The following SCLY variants were observed in gnomAD, a reference collection of about 807,000 sequenced individuals.
SCLY encodes the protein putative selenocysteine lyase.
SCLY carries 38 observed loss-of-function variants against 50.1 expected under a neutral mutation model. The observed-to-expected ratio is 0.76, with a 90% CI of 0.59 to 0.99. SCLY has a LOEUF of 0.99. Ranked by LOEUF, SCLY falls within the 50% of genes least tolerant of loss-of-function variation. The pLI, the probability that SCLY is intolerant of heterozygous loss-of-function variation, is 0.00. For missense variants in SCLY, 600 were observed against 620.0 expected, an observed-to-expected ratio of 0.97 and a Z score of 0.34; for synonymous variants, 243 against 249.4, an observed-to-expected ratio of 0.97 and a Z score of 0.24.
Position 238,064,459 on chromosome 2 carries a change from G to C in SCLY, c.192G>C (p.Pro64=), listed in dbSNP as rs575357869. 3.1e-6 allele frequency: 5 copies of C among 1,603,368 alleles called. No homozygotes were observed. Among genetic ancestry groups the C allele is most frequent in the Non-Finnish European group, 3.4e-6 (4 of 1,175,028 alleles). The part of the protein sequence containing the change: ...MWEAWGNPSS[P]YSAGRKAKDI... ...AAGCCTGGGGAAATCCCAGCAGCCC[G>C]TATTCAGCAGGTAATTCTAGAAGAT... is the stretch of plus-strand genomic sequence containing the variant. The change falls in exon 2 of 12, where the codon CCG becomes CCC. Residue 64 remains proline (P), a synonymous_variant. Transcript: ENST00000254663.
intron 2 of SCLY, among the ~76,000 whole-genome samples, chr2:238,065,426 AG>A (rs2065058716): frequency 6.6e-6 from 1 of 152,144 alleles, no homozygotes; most frequent in African/African-American, 2.4e-5. Flanking sequence ...CTCATGAAAA[AG>A]TCTGGGAATC....
In SCLY at chr2:238,064,352, T is replaced by G; in HGVS notation, c.90-5T>G. The G allele has an allele frequency of 4.4e-6, 7 of 1,582,050 alleles. No homozygotes were observed. Among genetic ancestry groups the G allele is most frequent in the Non-Finnish European group, 6.0e-6 (7 of 1,163,708 alleles). On this transcript the variant is annotated splice_polypyrimidine_tract_variant and splice_region_variant and intron_variant, in intron 1 of 11. Coordinates refer to ENST00000254663, the MANE Select transcript of SCLY (RefSeq NM_016510.7). The stretch of plus-strand genomic sequence containing the variant: ...TAATGGGTGTCTTTGCTTTCTTTCC[T>G]TCAGGAAAGTTTATATGGACTATAA...
In SCLY at chr2:238,098,619, G is replaced by GGGACCGTCCACATA; in HGVS notation, c.*270_*271insTCCACATAGGACCG. 1 of 204,150 alleles carries GGGACCGTCCACATA rather than the reference G, an allele frequency of 4.9e-6. No homozygotes were observed. Among genetic ancestry groups the GGGACCGTCCACATA allele is most frequent in the African/African-American group, 4.3e-5 (1 of 23,036 alleles). The allele number at this position is 204,150 out of a possible 1,614,324, so 12.6% of individuals were successfully genotyped here. A position where few individuals can be genotyped will look rare whatever the true frequency, so the allele number is the denominator to read the frequency against. On this transcript the variant is annotated 3_prime_UTR_variant, in exon 12 of 12. Coordinates refer to ENST00000254663, the MANE Select transcript of SCLY (RefSeq NM_016510.7). ...ACCGCCCACATAGGACCGCCCACATGGGACCGCCCACATGGGACCGCCCAC... is the reference window on the plus strand; with the variant it reads ...ACCGCCCACATAGGACCGCCCACATGGGACCGTCCACATAGGACCGCCCACATGGGACCGCCCAC...
chr2:238,084,308 G>T (rs544966614), intron 7 of SCLY, among the ~76,000 whole-genome samples: 12 of 152,280 alleles, frequency 7.9e-5, no homozygotes, highest in African/African-American at 2.9e-4. Flanking sequence ...AAATCTAGAT[G>T]TTGGCCAGGC....
intron 7 of SCLY, among the ~76,000 whole-genome samples, chr2:238,090,420 G>A (rs2065349874): frequency 6.6e-6 from 1 of 152,200 alleles, no homozygotes; most frequent in African/African-American, 2.4e-5. Flanking sequence ...GGAGGCCGAG[G>A]TGGCTGGATC....
chr2:238,098,305 G>A lies in SCLY; in HGVS notation c.1288G>A (p.Val430Ile), dbSNP rs145891047. 5.0e-6 allele frequency: 8 copies of A among 1,608,090 alleles called. No individual in the cohort carries two copies. The highest frequency in any genetic ancestry group is 6.8e-6 in the Non-Finnish European group (8 of 1,179,496). Residue 430 changes from valine to isoleucine, a missense_variant, in exon 12 of 12, where the codon GTC becomes ATC. Coordinates refer to ENST00000254663, the MANE Select transcript of SCLY (RefSeq NM_016510.7). ...RSTTRAEVDL[V>I]VQDLKQAVAQ... ...CACCACCAGGGCCGAGGTGGACCTC[G>A]TCGTGCAGGACCTGAAGCAGGCCGT...
intron 7 of SCLY, among the ~76,000 whole-genome samples, chr2:238,088,223 A>C (rs2065321283): frequency 6.6e-6 from 1 of 152,232 alleles, no homozygotes; most frequent in Non-Finnish European, 1.5e-5. Flanking sequence ...GAACTTTGGG[A>C]GGCCAAGGCG....
At chr2:238,082,465 G>A (rs528212364) in intron 6 of SCLY, among the ~76,000 whole-genome samples, 2 of 152,358 alleles carry the variant, frequency 1.3e-5, no homozygotes, top group Non-Finnish European at 2.9e-5. Context: ...GGTAGACCAA[G>A]CTAGGGGAGG....
chr2:238,075,997 AGGC>A (rs2065169256), intron 4 of SCLY, among the ~76,000 whole-genome samples: 2 of 151,272 alleles, frequency 1.3e-5, no homozygotes, highest in East Asian at 3.9e-4. Context: ...ATGGAACACC[AGGC>A]ATAAATGGGT....
chr2:238,097,682 G>A (rs2065454064), intron 11 of SCLY, among the ~76,000 whole-genome samples: 1 of 152,066 alleles, frequency 6.6e-6, no homozygotes, highest in Admixed American at 6.5e-5. Context: ...CGGGTGTGAT[G>A]AGGTCAGGCC....
Position 238,098,659 on chromosome 2 carries a change from A to ATGGGACCGCCCACATGGGACCGCCCACG in SCLY, c.*305_*306insGGGACCGCCCACATGGGACCGCCCACGT, listed in dbSNP as rs1691350698. ...GGACCGCCCACATGGGACCGCCCAC[A>ATGGGACCGCCCACATGGGACCGCCCACG]TAGAACCGTCCTCCAGTGGTGAAGC... On this transcript the variant is annotated 3_prime_UTR_variant, in exon 12 of 12. Coordinates refer to ENST00000254663, the MANE Select transcript of SCLY (RefSeq NM_016510.7). 1 of 435,214 alleles carries ATGGGACCGCCCACATGGGACCGCCCACG rather than the reference A, an allele frequency of 2.3e-6. No homozygotes were observed. Among genetic ancestry groups the ATGGGACCGCCCACATGGGACCGCCCACG allele is most frequent in the Non-Finnish European group, 4.0e-6 (1 of 248,652 alleles). The allele number at this position is 435,214 out of a possible 1,614,324, so 27.0% of individuals were successfully genotyped here.
chr2:238,069,773 A>C lies in SCLY; in HGVS notation c.484+296A>C. 3.2e-6 allele frequency: 1 copy of C among 315,422 alleles called. No individual in the cohort carries two copies. Among genetic ancestry groups the C allele is most frequent in the Non-Finnish European group, 5.8e-6 (1 of 173,200 alleles). The allele number at this position is 315,422 out of a possible 1,614,324, so 19.5% of individuals were successfully genotyped here. On this transcript the variant is annotated intron_variant, in intron 4 of 11. Coordinates refer to ENST00000254663, the MANE Select transcript of SCLY (RefSeq NM_016510.7). This position sits in a 1 kb window ranked among gnomAD's most constrained non-coding sequence, Gnocchi z 5.0. ...AGTTCATTGAGAATGAATATGTAGA[A>C]CTAGCCATTTGTATAACTGAGTGAT...
rs182067345 is a variant in SCLY, at chr2:238,065,760, C to T, written c.202+1291C>T. Among the ~76,000 whole-genome samples the T allele has an allele frequency of 5.0e-3, 758 of 151,500 alleles. 7 individuals carry two copies. Among genetic ancestry groups the T allele is most frequent in the African/African-American group, 0.017 (703 of 41,268 alleles). ...TGCAATCTCGGGTCAATGCAACCTCCGCCTCCCGGATTCAAGCGATTCTTC... is the reference window on the plus strand; with the variant it reads ...TGCAATCTCGGGTCAATGCAACCTCTGCCTCCCGGATTCAAGCGATTCTTC... On this transcript the variant is annotated intron_variant, in intron 2 of 11. Coordinates refer to ENST00000254663, the MANE Select transcript of SCLY (RefSeq NM_016510.7).
intron 11 of SCLY, 52 bp downstream of exon 11, chr2:238,096,928 G>T: frequency 6.7e-7 from 1 of 1,496,706 alleles, no homozygotes; most frequent in East Asian, 2.4e-5. Flanking sequence ...TCCGGGCACT[G>T]GGTGTGGTGG....
At chr2:238,065,477 C>T (rs976474208) in intron 2 of SCLY, among the ~76,000 whole-genome samples, 1 of 152,072 alleles carries the variant, frequency 6.6e-6, no homozygotes, top group Non-Finnish European at 1.5e-5. Context: ...TGAATGAAGC[C>T]TGGCAGTGGC....
In SCLY at chr2:238,093,846, T is replaced by A. The variant is rs769790594; in HGVS notation, c.922-15T>A. The A allele has an allele frequency of 6.8e-6, 11 of 1,610,874 alleles. No homozygotes were observed. The highest frequency in any genetic ancestry group is 7.6e-6 in the Non-Finnish European group (9 of 1,178,624). ...GCAAGAATTGTGCATCCACTTGTTG[T>A]GTGTCTGCCCCCAGGCCGCGGAGCT... is the stretch of plus-strand genomic sequence containing the variant. On this transcript the variant is annotated splice_polypyrimidine_tract_variant and intron_variant, in intron 8 of 11. Coordinates refer to ENST00000254663, the MANE Select transcript of SCLY (RefSeq NM_016510.7).
At chr2:238,063,688 C>T (rs546499800) in intron 1 of SCLY, among the ~76,000 whole-genome samples, 2 of 152,256 alleles carry the variant, frequency 1.3e-5, no homozygotes, top group Non-Finnish European at 2.9e-5. Context: ...AGGGAGAAGC[C>T]CAGGTCACTA....
chr2:238,076,146 C>T (rs898842286), intron 4 of SCLY, among the ~76,000 whole-genome samples: 4 of 146,322 alleles, frequency 2.7e-5, no homozygotes, highest in African/African-American at 7.6e-5. Context: ...GGCTGAAGTA[C>T]GGTGACACAA....
At position 238,083,450 on chromosome 2, in the gene SCLY, G is replaced by C; in HGVS notation, c.884+96G>C. On this transcript the variant is annotated intron_variant, in intron 7 of 11. Transcript: ENST00000254663. This position sits in a 1 kb window ranked among gnomAD's most constrained non-coding sequence, Gnocchi z 4.3. ...AAACATGGCGCTGTTTCTTGGTCTC[G>C]TGGAGGCTCTGTAGCATGTCCACAC... The C allele has an allele frequency of 1.1e-6, 1 of 921,526 alleles. No homozygotes were observed. Among genetic ancestry groups the C allele is most frequent in the Non-Finnish European group, 1.8e-6 (1 of 561,210 alleles). The allele number at this position is 921,526 out of a possible 1,614,324, so 57.1% of individuals were successfully genotyped here.
Sources: allele counts gnomAD v4.1 joint callset (sites outside exome capture counted in the v4.1 genomes callset), GRCh38; gene constraint gnomAD v4.1.1; non-coding constraint Gnocchi (gnomAD v3.1); transcripts MANE v1.5; gene names NCBI Gene and HGNC (gene_info 2026-07-23, HGNC 2026-07-21).